The following ERGIC1 variants were observed in gnomAD, a reference collection of about 807,000 sequenced individuals.
ERGIC1 encodes the protein endoplasmic reticulum-Golgi intermediate compartment protein 1.
Under a neutral mutation model 38.3 loss-of-function variants are expected in ERGIC1, and 19 were observed. The ratio of observed to expected loss-of-function variants is 0.50; its 90% CI spans 0.35 to 0.73. ERGIC1 has a LOEUF of 0.73. ERGIC1 is among the 30% of genes least tolerant of loss of function. ERGIC1 has a pLI of 0.01. For missense variants in ERGIC1, 294 were observed against 389.2 expected (o/e 0.76, Z 2.06); for synonymous variants, 124 against 157.6 (o/e 0.79, Z 1.60).
At chr5:172,942,392 C>T (rs760070305) in intron 9 of ERGIC1, among the ~76,000 whole-genome samples, 3 of 152,028 alleles carry the variant, frequency 2.0e-5, no homozygotes, top group African/African-American at 4.8e-5. Flanking sequence ...AGGGTTCCCT[C>T]GGTGTCTCTC....
At chr5:172,876,777 A>C (rs1762147682) in intron 1 of ERGIC1, among the ~76,000 whole-genome samples, 1 of 152,128 alleles carries the variant, frequency 6.6e-6, no homozygotes. Flanking sequence ...GTCACTCTAG[A>C]TTAGTTGGCA....
At chr5:172,840,280 C>A (rs1252692110) in intron 1 of ERGIC1, among the ~76,000 whole-genome samples, 1 of 152,166 alleles carries the variant, frequency 6.6e-6, no homozygotes, top group East Asian at 1.9e-4. Context: ...GCTGTAGTAG[C>A]AGGAGACAGG....
At chr5:172,836,358 G>C (rs1428310317) in intron 1 of ERGIC1, among the ~76,000 whole-genome samples, 2 of 152,220 alleles carry the variant, frequency 1.3e-5, no homozygotes, top group African/African-American at 4.8e-5. Context: ...TCAGCTCTGA[G>C]AAGCTGGCTA....
chr5:172,938,093 C>A (rs558902540), intron 9 of ERGIC1: 1 of 152,150 alleles, frequency 6.6e-6, no homozygotes, highest in Non-Finnish European at 1.5e-5. Context: ...TGTGCAGGGA[C>A]ATGGGTACAG....
At chr5:172,841,617 G>A (rs1017468927) in intron 1 of ERGIC1, among the ~76,000 whole-genome samples, 2 of 152,176 alleles carry the variant, frequency 1.3e-5, no homozygotes, top group Non-Finnish European at 2.9e-5. Flanking sequence ...CTGATGTACT[G>A]GGGACTGGCG....
chr5:172,877,409 T>C (rs1762160224), intron 1 of ERGIC1, among the ~76,000 whole-genome samples: 1 of 99,102 alleles, frequency 1.0e-5, no homozygotes, highest in African/African-American at 3.3e-5. Context: ...ATATTATATA[T>C]ATGTGTGTGT....
rs1761291407 is a variant in ERGIC1 at position 172,846,828 on chromosome 5, T to A, written c.20+12395T>A. 6.6e-6 allele frequency among the ~76,000 whole-genome samples: 1 copy of A among 152,152 alleles called. No homozygotes were observed. Among genetic ancestry groups the A allele is most frequent in the Non-Finnish European group, 1.5e-5 (1 of 68,012 alleles). ...TGACTGCCGTGAGGACTAAATAAGTTTGCCTCTGTAAAGCCCTTAGAACTG... is the reference window on the plus strand; with the variant it reads ...TGACTGCCGTGAGGACTAAATAAGTATGCCTCTGTAAAGCCCTTAGAACTG... On this transcript the variant is annotated intron_variant, in intron 1 of 9. Transcript: ENST00000393784. The surrounding 1 kb of genome is among the most constrained non-coding windows in gnomAD (Gnocchi z 4.0).
At chr5:172,869,718 C>T (rs1761956057) in intron 1 of ERGIC1, among the ~76,000 whole-genome samples, 1 of 152,166 alleles carries the variant, frequency 6.6e-6, no homozygotes, top group South Asian at 2.1e-4. Context: ...TGGTAGACTG[C>T]AGATCAAAAT....
chr5:172,938,606 G>A (rs1356585020), intron 9 of ERGIC1, among the ~76,000 whole-genome samples: 1 of 151,924 alleles, frequency 6.6e-6, no homozygotes, highest in African/African-American at 2.4e-5. Context: ...ACAAAAATTA[G>A]CTGAGCATGG....
rs58968820 is a variant in ERGIC1 at position 172,862,307 on chromosome 5, C to CAAAAAAAA, written c.21-26374_21-26367dup. ...TGGGCAACTGAGTGAGACTACATCT[C>CAAAAAAAA]AAAAAAAAAAAAAAAAAAAAAAAAA... On this transcript the variant is annotated intron_variant, in intron 1 of 9. Coordinates refer to ENST00000393784, the MANE Select transcript of ERGIC1 (RefSeq NM_001031711.3). Among the ~76,000 whole-genome samples, 65 of 49,468 alleles carry CAAAAAAAA rather than the reference C, an allele frequency of 1.3e-3. 8 individuals are homozygous for CAAAAAAAA. The highest frequency in any genetic ancestry group is 3.2e-3 in the Admixed American group (8 of 2,506). The allele number at this position is 49,468 out of a possible 152,430, so 32.5% of individuals were successfully genotyped here. A position where few individuals can be genotyped will look rare whatever the true frequency, so the allele number is the denominator to read the frequency against.
intron 2 of ERGIC1, among the ~76,000 whole-genome samples, chr5:172,896,419 C>G (rs1050728520): frequency 1.3e-5 from 2 of 152,164 alleles, no homozygotes; most frequent in Non-Finnish European, 2.9e-5. Flanking sequence ...TGTCTATAGC[C>G]CCTTCTAAGG....
chr5:172,864,465 C>CA (rs1226968752), intron 1 of ERGIC1, among the ~76,000 whole-genome samples: 1 of 151,838 alleles, frequency 6.6e-6, no homozygotes, highest in African/African-American at 2.4e-5. Context: ...GACGGGGTTT[C>CA]ACCCTGTTGG....
chr5:172,855,499 C>T (rs1413952661), intron 1 of ERGIC1, among the ~76,000 whole-genome samples: 1 of 152,242 alleles, frequency 6.6e-6, no homozygotes, highest in Non-Finnish European at 1.5e-5. Context: ...ACATGGTCCC[C>T]ACTGTCATGG....
At chr5:172,850,189 G>A (rs868431091) in intron 1 of ERGIC1, among the ~76,000 whole-genome samples, 3 of 152,196 alleles carry the variant, frequency 2.0e-5, no homozygotes, top group African/African-American at 4.8e-5. Context: ...TTTGGCTTCC[G>A]TTGGCCAAGC....
chr5:172,879,845 C>A (rs1189893407), intron 1 of ERGIC1, among the ~76,000 whole-genome samples: 3 of 152,166 alleles, frequency 2.0e-5, no homozygotes, highest in East Asian at 1.9e-4. Flanking sequence ...CGTGGGGGGA[C>A]CTTCTTGTGT....
chr5:172,946,609 C>T (rs751753511), intron 9 of ERGIC1, among the ~76,000 whole-genome samples: 18 of 152,326 alleles, frequency 1.2e-4, no homozygotes, highest in African/African-American at 3.4e-4. Flanking sequence ...CCTTCTAAGA[C>T]GAGGGACAGC....
At chr5:172,852,563 G>A (rs1761437766) in intron 1 of ERGIC1, among the ~76,000 whole-genome samples, 3 of 152,176 alleles carry the variant, frequency 2.0e-5, no homozygotes, top group Admixed American at 1.3e-4. Flanking sequence ...AGCAGAGACC[G>A]GCTCAGCCTT....
intron 7 of ERGIC1, chr5:172,927,005 T>TCCCCTCCTGCTCAGA: frequency 5.3e-6 from 1 of 186,978 alleles, no homozygotes; most frequent in East Asian, 1.5e-4. Flanking sequence ...CACACCTCAC[T>TCCCCTCCTGCTCAGA]CTCCTCCTGC....
Position 172,902,910 on chromosome 5 carries a change from G to A in ERGIC1, c.155+5836G>A, listed in dbSNP as rs147499639. Among the ~76,000 whole-genome samples the A allele has an allele frequency of 5.9e-5, 9 of 152,206 alleles. No individual in the cohort carries two copies. The East Asian group carries it at 1.5e-3, about 26-fold the overall frequency. On this transcript the variant is annotated intron_variant, in intron 3 of 9. Coordinates refer to ENST00000393784, the MANE Select transcript of ERGIC1 (RefSeq NM_001031711.3). ...GCAAATAAAATTGTTTTGTATAGATGTCATCGAACTCATGCCTCAGACTAG... is the reference window on the plus strand; with the variant it reads ...GCAAATAAAATTGTTTTGTATAGATATCATCGAACTCATGCCTCAGACTAG...
Sources: allele counts gnomAD v4.1 joint callset (sites outside exome capture counted in the v4.1 genomes callset), GRCh38; gene constraint gnomAD v4.1.1; non-coding constraint Gnocchi (gnomAD v3.1); transcripts MANE v1.5; gene names NCBI Gene and HGNC (gene_info 2026-07-23, HGNC 2026-07-21).